BLMH: variants seen among roughly 807,000 people sequenced by gnomAD.
The protein encoded by BLMH is bleomycin hydrolase.
A neutral mutation model predicts 61.6 loss-of-function variants in BLMH; 32 were observed. The observed-to-expected ratio is 0.52, with a 90% CI of 0.39 to 0.70. The LOEUF is 0.70. BLMH is among the 30% of genes least tolerant of loss of function. The pLI, the probability that BLMH is intolerant of heterozygous loss-of-function variation, is 0.00. For missense variants in BLMH, 460 were observed against 555.5 expected, an observed-to-expected ratio of 0.83 and a Z score of 1.73; for synonymous variants, 183 against 193.8, an observed-to-expected ratio of 0.94 and a Z score of 0.46.
At chr17:30,265,314 C>A (rs1683728809) in intron 11 of BLMH, among the ~76,000 whole-genome samples, 1 of 152,190 alleles carries the variant, frequency 6.6e-6, no homozygotes, top group South Asian at 2.1e-4. Flanking sequence ...AATCAGCATA[C>A]TAAAATGCTG....
chr17:30,262,076 C>T (rs1215751120), intron 11 of BLMH, among the ~76,000 whole-genome samples: 4 of 152,110 alleles, frequency 2.6e-5, no homozygotes, highest in African/African-American at 4.8e-5. Flanking sequence ...AAAATGAAAA[C>T]CAGGAGAGAC....
Position 30,291,403 on chromosome 17 carries a change from CAG to C in BLMH, c.117_118del (p.Ile39MetfsTer54), listed in dbSNP as rs776876459. On this transcript the variant is annotated frameshift_variant, in exon 2 of 12. Transcript: ENST00000261714. LOFTEE classifies it high-confidence loss of function. Reference sequence around the variant, plus strand: ...GCGCTGCACCGTGGCCCGCTTCAGACAGATGTCCAGCAGGTCGTGGGTGGTCC... The same window carrying C: ...GCGCTGCACCGTGGCCCGCTTCAGACATGTCCAGCAGGTCGTGGGTGGTCC... 1.2e-6 allele frequency: 2 copies of C among 1,614,064 alleles called. No homozygotes were observed. Among genetic ancestry groups the C allele is most frequent in the African/African-American group, 2.7e-5 (2 of 74,930 alleles).
intron 1 of BLMH, 43 bp from the exon 2 acceptor site, chr17:30,291,551 A>T: frequency 6.2e-7 from 1 of 1,604,574 alleles, no homozygotes. Flanking sequence ...AAAGAGGGGG[A>T]AAGGGCTGAT....
chr17:30,273,007 C>T (rs972842050), intron 7 of BLMH, 108 bp from the exon 8 acceptor site: 22 of 1,245,890 alleles, frequency 1.8e-5, no homozygotes, highest in Middle Eastern at 2.5e-4. Context: ...TCTCTGCCTA[C>T]AAGCTAAGTA....
At position 30,249,066 on chromosome 17, in the gene BLMH, TC is replaced by T; in HGVS notation, c.1318del (p.Glu440AsnfsTer40). On this transcript the variant is annotated frameshift_variant, in exon 12 of 12. Transcript: ENST00000261714. LOFTEE classifies it high-confidence loss of function. ...GTCCCATGCTGGCAGGATAATGGGT[TC>T]CTGCTCTAACACAGCTAGCACCTCT... ...PEEVLAVLEQ[E>X]PIILPAWDPM... The T allele has an allele frequency of 6.2e-7, 1 of 1,614,074 alleles. No homozygotes were observed. The highest frequency in any genetic ancestry group is 8.5e-7 in the Non-Finnish European group (1 of 1,179,974).
At chr17:30,273,974 T>C (rs1908348517) in intron 7 of BLMH, 68 bp downstream of exon 7, 5 of 1,566,958 alleles carry the variant, frequency 3.2e-6, no homozygotes, top group Admixed American at 3.5e-5. Flanking sequence ...AAGAATCTTA[T>C]ACAATTCCCT....
intron 11 of BLMH, among the ~76,000 whole-genome samples, chr17:30,254,022 GT>G (rs1304510376): frequency 2.6e-5 from 4 of 152,110 alleles, no homozygotes; most frequent in African/African-American, 9.7e-5. Flanking sequence ...AAATGGGCTA[GT>G]TTAAGGGAAA....
chr17:30,271,120 C>T, intron 10 of BLMH, 151 bp downstream of exon 10: 2 of 616,240 alleles, frequency 3.2e-6, no homozygotes, highest in Non-Finnish European at 5.7e-6. Flanking sequence ...GCAGCCAAGC[C>T]CCAAGTGACG....
intron 11 of BLMH, among the ~76,000 whole-genome samples, chr17:30,255,174 C>CATAT (rs1907780409): frequency 6.6e-6 from 1 of 152,180 alleles, no homozygotes; most frequent in African/African-American, 2.4e-5. Flanking sequence ...CAATGAACCA[C>CATAT]ATATATGATA....
chr17:30,291,916 G>A lies in BLMH; in HGVS notation c.-97C>T, dbSNP rs553713099. 15 of 1,230,498 alleles carry A rather than the reference G, an allele frequency of 1.2e-5. 1 individual carries two copies. In the South Asian group the frequency reaches 4.3e-4, roughly 35 times the overall value. The allele number at this position is 1,230,498 out of a possible 1,614,324, so 76.2% of individuals were successfully genotyped here. A position where few individuals can be genotyped will look rare whatever the true frequency, so the allele number is the denominator to read the frequency against. On this transcript the variant is annotated 5_prime_UTR_variant, in exon 1 of 12. Transcript: ENST00000261714. ...GCTCGCTGCCTAGGGGGCCCGACCT[G>A]TCTCTCGCACCCGGAGCGCCGGAAA...
At chr17:30,256,472 G>A (rs1166821752) in intron 11 of BLMH, among the ~76,000 whole-genome samples, 4 of 152,026 alleles carry the variant, frequency 2.6e-5, no homozygotes, top group Non-Finnish European at 5.9e-5. Context: ...GGGAATACAG[G>A]TGCCCACCAC....
In BLMH at chr17:30,285,322, T is replaced by C. The variant is rs1299792408; in HGVS notation, c.645+66A>G. ...GACTAAAGCTTCCTAATCATTACTT[T>C]AACAGATGGGAATATTCTGAGAGTT... is the stretch of plus-strand genomic sequence containing the variant. On this transcript the variant is annotated intron_variant, in intron 6 of 11. Transcript: ENST00000261714. The C allele has an allele frequency of 2.7e-6, 3 of 1,124,374 alleles. No individual in the cohort carries two copies. The African/African-American group carries it at 4.7e-5, about 18-fold the overall frequency. The allele number at this position is 1,124,374 out of a possible 1,614,324, so 69.6% of individuals were successfully genotyped here.
rs1171344428 is a variant in BLMH, at chr17:30,289,445, C to T, written c.249G>A (p.Arg83=). Residue 83 remains arginine (R), a synonymous_variant, in exon 3 of 12, where the codon AGG becomes AGA. Coordinates refer to ENST00000261714, the MANE Select transcript of BLMH (RefSeq NM_000386.4). Reference sequence around the variant, plus strand: ...TATTTAACTTTTTCATGAATGGAAGCCTCATAACATTCAGACAAGAAAAGA... The same window carrying T: ...TATTTAACTTTTTCATGAATGGAAGTCTCATAACATTCAGACAAGAAAAGA... The part of the protein sequence containing the change: ...CWIFSCLNVM[R]LPFMKKLNIE... 1 of 1,612,142 alleles carries T rather than the reference C, an allele frequency of 6.2e-7. No homozygotes were observed. Among genetic ancestry groups the T allele is most frequent in the South Asian group, 1.1e-5 (1 of 90,708 alleles).
At chr17:30,291,222 A>G in intron 2 of BLMH, 89 bp downstream of exon 2, 1 of 1,468,442 alleles carries the variant, frequency 6.8e-7, no homozygotes, top group African/African-American at 1.4e-5. Flanking sequence ...TTCTTTCAGT[A>G]CGAATTTAAG....
intron 3 of BLMH, 68 bp downstream of exon 3, chr17:30,289,305 A>G: frequency 1.0e-6 from 1 of 985,838 alleles, no homozygotes; most frequent in Non-Finnish European, 1.5e-6. Flanking sequence ...AAAAGCTACA[A>G]AAGAAGAGGC....
intron 3 of BLMH, 87 bp downstream of exon 3, chr17:30,289,286 T>C (rs898767378): frequency 2.3e-5 from 17 of 746,326 alleles, no homozygotes; most frequent in Non-Finnish European, 3.3e-5. Flanking sequence ...AAGGGCAGGC[T>C]ATAACTGGAA....
chr17:30,288,057 G>C, intron 3 of BLMH, 110 bp from the exon 4 acceptor site: 7 of 1,139,812 alleles, frequency 6.1e-6, no homozygotes, highest in South Asian at 1.7e-5. Context: ...CAACATAATA[G>C]TTTTTTTTCT....
intron 10 of BLMH, among the ~76,000 whole-genome samples, 170 bp from the exon 11 acceptor site, chr17:30,267,124 T>C (rs1322158125): frequency 6.6e-6 from 1 of 151,960 alleles, no homozygotes; most frequent in Non-Finnish European, 1.5e-5. Flanking sequence ...GGGCTATATA[T>C]TTCCTACGAT....
intron 3 of BLMH, 90 bp downstream of exon 3, chr17:30,289,283 G>T: frequency 1.4e-6 from 1 of 711,550 alleles, no homozygotes; most frequent in Non-Finnish European, 2.2e-6. Flanking sequence ...TGAAAGGGCA[G>T]GCTATAACTG....
Sources: allele counts gnomAD v4.1 joint callset (sites outside exome capture counted in the v4.1 genomes callset), GRCh38; gene constraint gnomAD v4.1.1; transcripts MANE v1.5; gene names NCBI Gene and HGNC (gene_info 2026-07-23, HGNC 2026-07-21).